Variants in CSMD1 observed in about 807,000 individuals in gnomAD.
CSMD1 encodes CUB and sushi domain-containing protein 1.
In CSMD1, 213 loss-of-function variants were observed where a neutral mutation model predicts 417.5. The observed-to-expected ratio is 0.51, with a 90% confidence interval of 0.46 to 0.57. The LOEUF (loss-of-function observed/expected upper bound fraction) is 0.57. CSMD1 is among the 20% of genes least tolerant of loss of function. The pLI is 0.00. For synonymous variants in CSMD1, 2,862 were observed against 1,736.8 expected, an observed-to-expected ratio of 1.65 and a Z score of -16.11; for missense variants, 6,923 against 4,529.7, an observed-to-expected ratio of 1.53 and a Z score of -15.17.
At chr8:4,088,379 A>T (rs969512208) in intron 3 of CSMD1, among the ~76,000 whole-genome samples, 5 of 152,232 alleles carry the variant, frequency 3.3e-5, no homozygotes, top group Admixed American at 2.6e-4. Context: ...CTTTTGCGGG[A>T]AAGAGCTTTG....
chr8:3,595,981 A>G (rs1801073437), intron 8 of CSMD1, among the ~76,000 whole-genome samples: 2 of 152,290 alleles, frequency 1.3e-5, no homozygotes, highest in Admixed American at 1.3e-4. Context: ...CCAAGGTGAA[A>G]GCCCCTTTGC....
intron 2 of CSMD1, among the ~76,000 whole-genome samples, chr8:4,466,808 A>C (rs551722257): frequency 2.6e-5 from 4 of 152,228 alleles, no homozygotes; most frequent in Non-Finnish European, 5.9e-5. Context: ...AAAAATAACA[A>C]GCCATTTAAA....
chr8:4,759,917 G>C lies in CSMD1; in HGVS notation c.86-122359C>G, dbSNP rs574209600. ...TAATAGCATGACTTATATTTCTTTG[G>C]GTATATACCTAAACATGGAATTACT... On this transcript the variant is annotated intron_variant, in intron 1 of 69. Transcript: ENST00000635120. 2.0e-5 allele frequency among the ~76,000 whole-genome samples: 3 copies of C among 152,166 alleles called. No individual in the cohort carries two copies. In the South Asian group the frequency reaches 6.2e-4, roughly 32 times the overall value.
chr8:4,834,970 A>G, intron 1 of CSMD1, among the ~76,000 whole-genome samples: 1 of 44,244 alleles, frequency 2.3e-5, no homozygotes, highest in East Asian at 1.4e-3. Context: ...AAAAAAAAAA[A>G]AAAAAAAAAA....
At chr8:3,699,154 C>A (rs1410099082) in intron 7 of CSMD1, among the ~76,000 whole-genome samples, 4 of 152,232 alleles carry the variant, frequency 2.6e-5, no homozygotes, top group Non-Finnish European at 1.5e-5. Flanking sequence ...ACTCCTTCAG[C>A]AGTGGGATGG....
At chr8:4,991,535 G>A (rs976435918) in intron 1 of CSMD1, among the ~76,000 whole-genome samples, 1 of 152,166 alleles carries the variant, frequency 6.6e-6, no homozygotes, top group East Asian at 1.9e-4. Context: ...GCCACAGCGG[G>A]AGCCGCCACC....
chr8:3,772,185 TATATACACAC>T (rs368151395), intron 5 of CSMD1, among the ~76,000 whole-genome samples: 7 of 70,022 alleles, frequency 1.0e-4, no homozygotes, highest in African/African-American at 2.5e-4. Flanking sequence ...TATATATATA[TATATACACAC>T]ACACACACAC....
intron 10 of CSMD1, among the ~76,000 whole-genome samples, chr8:3,574,454 C>A (rs1008342885): frequency 6.6e-6 from 1 of 152,092 alleles, no homozygotes. Flanking sequence ...CCATGTTGGC[C>A]AGACTGGTTT....
intron 41 of CSMD1, among the ~76,000 whole-genome samples, chr8:3,129,871 C>G (rs184184436): frequency 6.6e-6 from 1 of 152,142 alleles, no homozygotes; most frequent in Non-Finnish European, 1.5e-5. Flanking sequence ...CACCTGTAAT[C>G]CCAGCTATTC....
chr8:4,280,609 A>T (rs1357533124), intron 3 of CSMD1, among the ~76,000 whole-genome samples: 1 of 152,206 alleles, frequency 6.6e-6, no homozygotes, highest in Non-Finnish European at 1.5e-5. Context: ...TTTGAAGGTA[A>T]ACCTATGTTG....
At chr8:3,469,580 C>T (rs941870856) in intron 11 of CSMD1, among the ~76,000 whole-genome samples, 2 of 152,198 alleles carry the variant, frequency 1.3e-5, no homozygotes, top group East Asian at 1.9e-4. Flanking sequence ...GACAGAAAAG[C>T]ATGTTGAAAT....
chr8:4,444,555 T>G (rs1267585246), intron 2 of CSMD1, among the ~76,000 whole-genome samples: 2 of 151,442 alleles, frequency 1.3e-5, no homozygotes, highest in African/African-American at 2.4e-5. Context: ...CTTTTAGGGG[T>G]TTTCTAAGAA....
chr8:4,902,327 C>G (rs1292941376), intron 1 of CSMD1, among the ~76,000 whole-genome samples: 2 of 151,462 alleles, frequency 1.3e-5, no homozygotes, highest in Non-Finnish European at 2.9e-5. Flanking sequence ...GTCCCAGCCA[C>G]TCAGGAGACT....
chr8:3,766,972 T>G (rs1410347341), intron 5 of CSMD1, among the ~76,000 whole-genome samples: 1 of 152,170 alleles, frequency 6.6e-6, no homozygotes, highest in South Asian at 2.1e-4. Context: ...TGCAATCATA[T>G]GGGTCCCCAG....
At chr8:3,446,979 G>T (rs1184139053) in intron 12 of CSMD1, among the ~76,000 whole-genome samples, 1 of 152,196 alleles carries the variant, frequency 6.6e-6, no homozygotes, top group Admixed American at 6.5e-5. Context: ...TAACAAAGGA[G>T]TTGAAGATGT....
chr8:3,671,174 T>C (rs1171527629), intron 7 of CSMD1, among the ~76,000 whole-genome samples: 3 of 147,996 alleles, frequency 2.0e-5, no homozygotes, highest in Non-Finnish European at 3.0e-5. Context: ...ATGAGATATA[T>C]ATGTATATGG....
intron 12 of CSMD1, among the ~76,000 whole-genome samples, chr8:3,454,273 C>A (rs1023507904): frequency 1.3e-5 from 2 of 152,154 alleles, no homozygotes; most frequent in African/African-American, 4.8e-5. Flanking sequence ...TCCAATTTGC[C>A]AGTCTGTGTC....
At chr8:3,069,833 C>T (rs1271367645) in intron 49 of CSMD1, among the ~76,000 whole-genome samples, 1 of 152,234 alleles carries the variant, frequency 6.6e-6, no homozygotes, top group Non-Finnish European at 1.5e-5. Context: ...TAGAGGTTCT[C>T]TGTGAGGGCT....
intron 41 of CSMD1, among the ~76,000 whole-genome samples, chr8:3,133,475 C>A (rs1280872011): frequency 6.6e-6 from 1 of 152,112 alleles, no homozygotes; most frequent in Non-Finnish European, 1.5e-5. Context: ...AAGAGAGGCG[C>A]CCCTGGGAGC....
Sources: allele counts gnomAD v4.1 joint callset (sites outside exome capture counted in the v4.1 genomes callset), GRCh38; gene constraint gnomAD v4.1.1; transcripts MANE v1.5; gene names NCBI Gene and HGNC (gene_info 2026-07-23, HGNC 2026-07-21).